TAF1D: variants seen among roughly 807,000 people sequenced by gnomAD.
TAF1D encodes the protein TATA-box binding protein associated factor, RNA polymerase I subunit D.
Under a neutral mutation model 26.2 loss-of-function variants are expected in TAF1D, and 23 were observed. The ratio of observed to expected loss-of-function variants is 0.88; its 90% CI spans 0.63 to 1.25. TAF1D has a LOEUF of 1.25. Among genes scored for constraint, TAF1D ranks in the 50% most tolerant of loss-of-function variants. TAF1D has a pLI of 0.00. For missense variants in TAF1D, 299 were observed against 322.0 expected (o/e 0.93, Z 0.55); for synonymous variants, 100 against 105.6 (o/e 0.95, Z 0.33).
intron 2 of TAF1D, chr11:93,739,031 G>GA: frequency 1.8e-6 from 1 of 544,720 alleles, no homozygotes. Context: ...TTTTCTCGAC[G>GA]AATGTGTCCC....
At chr11:93,731,638 G>A (rs1265063844), downstream of TAF1D, 7 of 496,182 alleles carry the variant, frequency 1.4e-5, no homozygotes, top group Admixed American at 1.3e-4. Context: ...CCTAAGTGGT[G>A]ATAGATGTTG....
In TAF1D at chr11:93,735,894, G is replaced by A. The variant is rs1199965973; in HGVS notation, c.*267C>T. On this transcript the variant is annotated 3_prime_UTR_variant, in exon 6 of 6. Transcript: ENST00000448108. Reference sequence around the variant, plus strand: ...TTCAATACTCACAGGACACCTGTAAGCTCTTATTCAGAAATCAAATGACAA... The same window carrying A: ...TTCAATACTCACAGGACACCTGTAAACTCTTATTCAGAAATCAAATGACAA... 4 of 1,214,116 alleles carry A rather than the reference G, an allele frequency of 3.3e-6. No homozygotes were observed. The highest frequency in any genetic ancestry group is 4.1e-6 in the Non-Finnish European group (4 of 973,582). 75.2% of individuals were successfully genotyped at this position (1,214,116 alleles called of 1,614,324 possible).
Position 93,738,111 on chromosome 11 carries a change from C to CAA in TAF1D, c.455_456dup (p.Glu153LeufsTer16). Reference sequence around the variant, plus strand: ...ATGTATGTAAAATGCTGACTCACCTCAAACGTTAAAATTTTTCTCCAAGGT... The same window carrying CAA: ...ATGTATGTAAAATGCTGACTCACCTCAAAAACGTTAAAATTTTTCTCCAAGGT... On this transcript the variant is annotated frameshift_variant, in exon 3 of 6. Coordinates refer to ENST00000448108, the MANE Select transcript of TAF1D (RefSeq NM_024116.4). LOFTEE classifies it high-confidence loss of function. 6 of 1,552,462 alleles carry CAA rather than the reference C, an allele frequency of 3.9e-6. No homozygotes were observed. The highest frequency in any genetic ancestry group is 5.2e-6 in the Non-Finnish European group (6 of 1,158,636).
downstream of TAF1D, chr11:93,731,124 T>C (rs77319007): frequency 0.011 from 5,300 of 496,778 alleles, 223 homozygotes; most frequent in Admixed American, 0.077. Context: ...AAATAACTTA[T>C]AGTTAAGATA....
chr11:93,734,702 T>C (rs116789819), downstream of TAF1D: 5,103 of 1,284,828 alleles, frequency 4.0e-3, 152 homozygotes, highest in African/African-American at 0.068. Flanking sequence ...CAACATGAAA[T>C]TGGAATGCAA....
chr11:93,731,087 T>C, downstream of TAF1D: 1 of 518,450 alleles, frequency 1.9e-6, no homozygotes, highest in Non-Finnish European at 3.9e-6. Context: ...TCTAAAAGCC[T>C]TGGTAATGAC....
chr11:93,735,813 G>A lies in TAF1D; in HGVS notation c.*348C>T, dbSNP rs1376712800. ...CAAATCCCCTCTTCAAGATGGTTGG[G>A]TGTCAAGTTACTTTAAGATTTTCTT... is the stretch of plus-strand genomic sequence containing the variant. On this transcript the variant is annotated 3_prime_UTR_variant, in exon 6 of 6. Coordinates refer to ENST00000448108, the MANE Select transcript of TAF1D (RefSeq NM_024116.4). The A allele has an allele frequency of 1.9e-6, 2 of 1,069,502 alleles. No individual in the cohort carries two copies. Among genetic ancestry groups the A allele is most frequent in the Non-Finnish European group, 2.3e-6 (2 of 882,876 alleles). The allele number at this position is 1,069,502 out of a possible 1,614,324, so 66.3% of individuals were successfully genotyped here.
Position 93,736,089 on chromosome 11 carries a change from C to A in TAF1D, c.*72G>T. 1 of 1,594,946 alleles carries A rather than the reference C, an allele frequency of 6.3e-7. No individual in the cohort carries two copies. Among genetic ancestry groups the A allele is most frequent in the Non-Finnish European group, 8.5e-7 (1 of 1,174,706 alleles). On this transcript the variant is annotated 3_prime_UTR_variant, in exon 6 of 6. Coordinates refer to ENST00000448108, the MANE Select transcript of TAF1D (RefSeq NM_024116.4). ...TTCACCACCAGACTGGTACATATAT[C>A]CACATTTATCTTTATTCATTTCTAT...
chr11:93,735,996 T>C lies in TAF1D; in HGVS notation c.*165A>G. 7.2e-7 allele frequency: 1 copy of C among 1,387,318 alleles called. No individual in the cohort carries two copies. 85.9% of individuals were successfully genotyped at this position (1,387,318 alleles called of 1,614,324 possible). A position where few individuals can be genotyped will look rare whatever the true frequency, so the allele number is the denominator to read the frequency against. ...TAATTATTACTACTTCACAAGTTTC[T>C]TTCACAAACTTCTTCACAGGGTTAA... On this transcript the variant is annotated 3_prime_UTR_variant, in exon 6 of 6. Coordinates refer to ENST00000448108, the MANE Select transcript of TAF1D (RefSeq NM_024116.4).
chr11:93,732,885 G>A (rs894464422), downstream of TAF1D: 1 of 228,978 alleles, frequency 4.4e-6, no homozygotes, highest in Non-Finnish European at 8.9e-6. Context: ...GTTGAATAAT[G>A]ATGCAAAGAA....
chr11:93,732,275 G>A (rs1939278171), downstream of TAF1D: 1 of 489,834 alleles, frequency 2.0e-6, no homozygotes, highest in African/African-American at 2.0e-5. Flanking sequence ...GATCTACCTG[G>A]TTCTCAATTT....
chr11:93,732,184 T>G (rs990885986), downstream of TAF1D: 4 of 504,942 alleles, frequency 7.9e-6, no homozygotes, highest in African/African-American at 7.8e-5. Flanking sequence ...GTTCTTGTTA[T>G]GCTGGCAGTG....
In TAF1D at chr11:93,738,504, A is replaced by G. The variant is rs745410931; in HGVS notation, c.69-5T>C. The G allele has an allele frequency of 6.5e-7, 1 of 1,546,194 alleles. No homozygotes were observed. The highest frequency in any genetic ancestry group is 1.2e-5 in the South Asian group (1 of 80,112). ...CTGCTATCAGAAGAGTTATCACTAG[A>G]AAAATGGGAAAAAAATTAATTTCAT... On this transcript the variant is annotated splice_polypyrimidine_tract_variant and splice_region_variant and intron_variant, in intron 2 of 5. Transcript: ENST00000448108.
chr11:93,733,091 C>T, downstream of TAF1D: 1 of 360,826 alleles, frequency 2.8e-6, no homozygotes. Flanking sequence ...ACTTACCTCT[C>T]AACATGAATG....
chr11:93,731,785 A>ATTTAC (rs145861733), downstream of TAF1D: 2,744 of 350,566 alleles, frequency 7.8e-3, 63 homozygotes, highest in East Asian at 0.057. Context: ...TCTTCAACCA[A>ATTTAC]TTTACTTTAG....
At chr11:93,734,816 C>T, downstream of TAF1D, 1 of 1,178,942 alleles carries the variant, frequency 8.5e-7, no homozygotes, top group East Asian at 5.7e-5. Context: ...GTCTTTGTTA[C>T]TCAGGCTGGA....
chr11:93,734,049 A>C (rs1377673497), downstream of TAF1D: 1 of 152,448 alleles, frequency 6.6e-6, no homozygotes, highest in African/African-American at 2.4e-5. Context: ...ATTTAAACTT[A>C]AGATTTAAGT....
In TAF1D at chr11:93,737,047, CAT is replaced by C. The variant is rs549551045; in HGVS notation, c.635+15_635+16del. On this transcript the variant is annotated intron_variant, in intron 4 of 5. Transcript: ENST00000448108. ...TTTATAACCTATTACCAAAGTATTT[CAT>C]ATGATTCCACTTACGTTGACTCCTC... is the stretch of plus-strand genomic sequence containing the variant. The C allele has an allele frequency of 1.7e-4, 265 of 1,558,340 alleles. 2 individuals are homozygous for C. The African/African-American group carries it at 3.0e-3, about 18-fold the overall frequency.
At chr11:93,732,578 CT>C, downstream of TAF1D, 1 of 421,708 alleles carries the variant, frequency 2.4e-6, no homozygotes, top group Non-Finnish European at 4.8e-6. Flanking sequence ...TCTCAAATTC[CT>C]TTAACAAGTA....
Sources: gnomAD v4.1 joint callset for allele counts on GRCh38, gnomAD v4.1.1 for gene constraint, MANE v1.5 for transcripts, NCBI Gene and HGNC (gene_info 2026-07-23, HGNC 2026-07-21) for gene names.